Variants in TLK2 observed in about 807,000 individuals in gnomAD.
TLK2 encodes the protein serine/threonine-protein kinase tousled-like 2.
A neutral mutation model predicts 117.3 loss-of-function variants in TLK2; 6 were observed. That is an observed-to-expected ratio of 0.05 (90% CI 0.03 to 0.10). TLK2 has a LOEUF of 0.10. Ranked by LOEUF, TLK2 falls within the 10% of genes least tolerant of loss-of-function variation. The probability of loss-of-function intolerance (pLI) is 1.00; values close to 1 mark genes in which losing one functional copy is unlikely to be tolerated. For missense variants in TLK2, 299 were observed against 901.2 expected, an observed-to-expected ratio of 0.33 and a Z score of 8.56; for synonymous variants, 257 against 316.7, an observed-to-expected ratio of 0.81 and a Z score of 2.00.
chr17:62,611,566 A>G (rs960012548), intron 21 of TLK2, among the ~76,000 whole-genome samples: 3 of 152,360 alleles, frequency 2.0e-5, no homozygotes, highest in East Asian at 3.9e-4. Context: ...CAATGAACCT[A>G]TCTGTACCGA....
intron 2 of TLK2, among the ~76,000 whole-genome samples, chr17:62,501,242 G>GA (rs909794584): frequency 4.0e-5 from 6 of 150,730 alleles, no homozygotes; most frequent in African/African-American, 1.5e-4. Flanking sequence ...CGTCTCAAAA[G>GA]AAAAAAAAGA....
intron 2 of TLK2, among the ~76,000 whole-genome samples, chr17:62,513,176 G>T (rs1205300860): frequency 6.6e-6 from 1 of 151,728 alleles, no homozygotes; most frequent in Non-Finnish European, 1.5e-5. Context: ...CACCACACCC[G>T]GCCGAGTTAA....
intron 5 of TLK2, among the ~76,000 whole-genome samples, 199 bp downstream of exon 5, chr17:62,523,376 C>T (rs1471206177): frequency 6.6e-6 from 1 of 151,994 alleles, no homozygotes; most frequent in African/African-American, 2.4e-5. Context: ...CCCATGAGTT[C>T]GAGGCCAACC....
chr17:62,516,020 G>T (rs2075554579), intron 2 of TLK2, among the ~76,000 whole-genome samples: 1 of 151,976 alleles, frequency 6.6e-6, no homozygotes, highest in Non-Finnish European at 1.5e-5. Flanking sequence ...CTCCTCCCGG[G>T]TTCAAGTGAT....
chr17:62,582,706 A>G (rs1186863945), intron 15 of TLK2, among the ~76,000 whole-genome samples: 3 of 152,228 alleles, frequency 2.0e-5, no homozygotes, highest in African/African-American at 7.2e-5. Context: ...TCAGTAAAGT[A>G]CATTCACACT....
intron 18 of TLK2, among the ~76,000 whole-genome samples, chr17:62,601,497 T>C (rs1297133785): frequency 6.6e-6 from 1 of 152,214 alleles, no homozygotes; most frequent in African/African-American, 2.4e-5. Flanking sequence ...TCTCTAATGT[T>C]CTAATACAAT....
intron 6 of TLK2, among the ~76,000 whole-genome samples, chr17:62,526,812 T>G (rs1358771103): frequency 6.6e-6 from 1 of 152,242 alleles, no homozygotes; most frequent in African/African-American, 2.4e-5. Flanking sequence ...CTTTTCTATT[T>G]TTCCAGTTCA....
At chr17:62,475,927 T>C (rs2071032752), upstream of TLK2, among the ~76,000 whole-genome samples, 1 of 152,134 alleles carries the variant, frequency 6.6e-6, no homozygotes, top group African/African-American at 2.4e-5. Flanking sequence ...CCCAAAATGC[T>C]GTGATTACAG....
rs555671528 is a variant in TLK2, at chr17:62,490,086, T to C, written c.81+8880T>C. 2.0e-4 allele frequency among the ~76,000 whole-genome samples: 30 copies of C among 152,356 alleles called. 1 individual carries two copies. In the South Asian group the frequency reaches 6.2e-3, roughly 32 times the overall value. ...CTCAAGTGATCCACCTGCCTTGGCCTCCGAAAGTGTTGGGATTACAGGCAT... is the reference window on the plus strand; with the variant it reads ...CTCAAGTGATCCACCTGCCTTGGCCCCCGAAAGTGTTGGGATTACAGGCAT... On this transcript the variant is annotated intron_variant, in intron 2 of 21. Transcript: ENST00000346027.
At chr17:62,512,956 G>C (rs1267344867) in intron 2 of TLK2, among the ~76,000 whole-genome samples, 1 of 150,748 alleles carries the variant, frequency 6.6e-6, no homozygotes, top group East Asian at 2.0e-4. Context: ...TCAGCTCATT[G>C]CAACCTCTGC....
intron 7 of TLK2, among the ~76,000 whole-genome samples, chr17:62,542,046 G>C (rs1160863731): frequency 6.6e-6 from 1 of 152,190 alleles, no homozygotes; most frequent in East Asian, 1.9e-4. Context: ...GATGTAGAGG[G>C]ATTAGAAAAA....
chr17:62,601,669 C>T (rs1307474731), intron 18 of TLK2, among the ~76,000 whole-genome samples: 2 of 152,174 alleles, frequency 1.3e-5, no homozygotes, highest in Non-Finnish European at 2.9e-5. Context: ...TTTGATTCCT[C>T]CCCCACACCC....
intron 2 of TLK2, among the ~76,000 whole-genome samples, chr17:62,515,333 T>C (rs1311085632): frequency 6.6e-6 from 1 of 152,234 alleles, no homozygotes; most frequent in African/African-American, 2.4e-5. Flanking sequence ...TCAACTCTTT[T>C]GAGTATATTC....
At chr17:62,539,616 A>T (rs1472117738) in intron 7 of TLK2, among the ~76,000 whole-genome samples, 1 of 151,836 alleles carries the variant, frequency 6.6e-6, no homozygotes, top group Admixed American at 6.6e-5. Context: ...AGTAGCTGGG[A>T]GTACAGGCGT....
chr17:62,481,997 G>A (rs2071711785), intron 2 of TLK2, among the ~76,000 whole-genome samples: 1 of 152,040 alleles, frequency 6.6e-6, no homozygotes, highest in African/African-American at 2.4e-5. Flanking sequence ...CGAGGCTGGA[G>A]TGCAATGGCG....
At chr17:62,474,805 C>T (rs1178743256), upstream of TLK2, among the ~76,000 whole-genome samples, 1 of 150,856 alleles carries the variant, frequency 6.6e-6, no homozygotes, top group Non-Finnish European at 1.5e-5. Context: ...GGATTACAGG[C>T]GTGAGCCACT....
At chr17:62,574,316 G>GT (rs2080572351) in intron 12 of TLK2, 2 of 1,537,340 alleles carry the variant, frequency 1.3e-6, no homozygotes, top group Non-Finnish European at 1.7e-6. Flanking sequence ...CGTTTAGTAA[G>GT]TTTATGTTAA....
Position 62,552,760 on chromosome 17 carries a change from T to G in TLK2, c.627+363T>G, listed in dbSNP as rs2078572532. 2.0e-5 allele frequency among the ~76,000 whole-genome samples: 3 copies of G among 152,258 alleles called. No homozygotes were observed. The South Asian group carries it at 6.2e-4, about 32-fold the overall frequency. ...ATTCTGGCCTGGGCCTCAGTTTTTC[T>G]TAGTACAAATCATCTGTGAAAATAT... On this transcript the variant is annotated intron_variant, in intron 8 of 21. Coordinates refer to ENST00000346027, the MANE Select transcript of TLK2 (RefSeq NM_006852.6).
chr17:62,519,377 A>G (rs955395869), intron 2 of TLK2, among the ~76,000 whole-genome samples: 9 of 152,150 alleles, frequency 5.9e-5, no homozygotes, highest in African/African-American at 2.2e-4. Context: ...TATTCCATTG[A>G]TCTAACCTTA....
Sources: gnomAD v4.1 joint callset for allele counts (sites outside exome capture counted in the v4.1 genomes callset) on GRCh38, gnomAD v4.1.1 for gene constraint, MANE v1.5 for transcripts, NCBI Gene and HGNC (gene_info 2026-07-23, HGNC 2026-07-21) for gene names.